Variants in HMCN2 observed in about 807,000 individuals in gnomAD.
HMCN2 encodes the protein hemicentin-2.
A neutral mutation model predicts 377.5 loss-of-function variants in HMCN2; 325 were observed. The ratio of observed to expected loss-of-function variants is 0.86; its 90% CI spans 0.79 to 0.94. The LOEUF is 0.94. Among genes scored for constraint, HMCN2 ranks in the 40% least tolerant of loss-of-function variants. HMCN2 has a pLI of 0.00. For missense variants in HMCN2, 4,543 were observed against 4,725.3 expected (o/e 0.96, Z 1.13); for synonymous variants, 2,007 against 2,046.8 (o/e 0.98, Z 0.53).
chr9:130,359,264 A>C, intron 36 of HMCN2, 55 bp from the exon 37 acceptor site: 6 of 982,158 alleles, frequency 6.1e-6, no homozygotes, highest in Non-Finnish European at 8.6e-6. Context: ...GGCTGGGATT[A>C]GAGCTGCCCA....
intron 25 of HMCN2, among the ~76,000 whole-genome samples, chr9:130,344,191 C>G (rs942856720): frequency 0.29 from 44,385 of 152,040 alleles, 6,660 homozygotes; most frequent in Middle Eastern, 0.34. Context: ...TGGCCCCCGG[C>G]GTGGCGGGAA....
At chr9:130,358,510 G>A in intron 36 of HMCN2, 24 bp downstream of exon 36, 2 of 1,304,380 alleles carry the variant, frequency 1.5e-6, no homozygotes, top group African/African-American at 1.5e-5. Flanking sequence ...TAACCAGCAG[G>A]GCCCAGGCCA....
At chr9:130,322,614 C>CG in intron 19 of HMCN2, among the ~76,000 whole-genome samples, 1 of 152,174 alleles carries the variant, frequency 6.6e-6, no homozygotes, top group East Asian at 1.9e-4. Context: ...CCCCACACCC[C>CG]GGGTATGAAC....
At chr9:130,417,238 G>A (rs567914668) in intron 85 of HMCN2, among the ~76,000 whole-genome samples, 4 of 152,108 alleles carry the variant, frequency 2.6e-5, no homozygotes, top group South Asian at 2.1e-4. Context: ...AAAGAGAGCC[G>A]GGGCCGGACA....
rs140066117 is a variant in HMCN2 at position 130,349,078 on chromosome 9, G to A, written c.4250G>A (p.Arg1417Gln). The A allele has an allele frequency of 1.4e-4, 182 of 1,304,186 alleles. No homozygotes were observed. The African/African-American group carries it at 1.6e-3, about 11-fold the overall frequency. The allele number at this position is 1,304,186 out of a possible 1,614,324, so 80.8% of individuals were successfully genotyped here. ...QEGDSGLYSC[R>Q]AENQAGTAQR... ...GGTGATTCTGGGCTCTACTCCTGCC[G>A]GGCAGAGAACCAGGCTGGCACCGCC... The change falls in exon 28 of 98, where the codon CGG becomes CAG. Residue 1417 changes from arginine (R) to glutamine (Q), a missense_variant. Physicochemically the swap from Arg to Gln is conservative, Grantham distance 43 (BLOSUM62 1). Coordinates refer to ENST00000683500, the MANE Select transcript of HMCN2 (RefSeq NM_001291815.2).
At position 130,358,382 on chromosome 9, in the gene HMCN2, C is replaced by G. The variant is rs1840164676; in HGVS notation, c.5581-8C>G. The G allele has an allele frequency of 7.7e-7, 1 of 1,304,228 alleles. No individual in the cohort carries two copies. Among genetic ancestry groups the G allele is most frequent in the Non-Finnish European group, 1.0e-6 (1 of 988,882 alleles). The allele number at this position is 1,304,228 out of a possible 1,614,324, so 80.8% of individuals were successfully genotyped here. A position where few individuals can be genotyped will look rare whatever the true frequency, so the allele number is the denominator to read the frequency against. On this transcript the variant is annotated splice_region_variant and splice_polypyrimidine_tract_variant and intron_variant, in intron 35 of 97. Transcript: ENST00000683500. ...CCTGTGGCATACTCTCTGCCCCCTC[C>G]CCTCCAGATTGAGAAGGTGGACCTG...
At chr9:130,293,648 A>G (rs914741276) in intron 4 of HMCN2, among the ~76,000 whole-genome samples, 2 of 152,084 alleles carry the variant, frequency 1.3e-5, no homozygotes, top group Non-Finnish European at 2.9e-5. Flanking sequence ...AGCTCTGCCC[A>G]GGAGATGCAT....
Position 130,382,696 on chromosome 9 carries a change from G to T in HMCN2, c.8563G>T (p.Gly2855Cys). The T allele has an allele frequency of 1.1e-5, 11 of 985,638 alleles. No individual in the cohort carries two copies. Among genetic ancestry groups the T allele is most frequent in the Non-Finnish European group, 1.3e-5 (11 of 829,884 alleles). 61.1% of individuals were successfully genotyped at this position (985,638 alleles called of 1,614,324 possible). A position where few individuals can be genotyped will look rare whatever the true frequency, so the allele number is the denominator to read the frequency against. ...ACCCCCAGCCCCACCTGTGATCCTGGGTGACACAGAGGAGCTGGTGGAAGA... is the reference window on the plus strand; with the variant it reads ...ACCCCCAGCCCCACCTGTGATCCTGTGTGACACAGAGGAGCTGGTGGAAGA... ...LLVLTPPVIL[G>C]DTEELVEEVT... The change falls in exon 56 of 98, where the codon GGT becomes TGT. Residue 2855 changes from glycine (G) to cysteine (C), a missense_variant. Coordinates refer to ENST00000683500, the MANE Select transcript of HMCN2 (RefSeq NM_001291815.2).
At chr9:130,390,381 C>T (rs1426291575) in intron 62 of HMCN2, among the ~76,000 whole-genome samples, 1 of 152,202 alleles carries the variant, frequency 6.6e-6, no homozygotes, top group Non-Finnish European at 1.5e-5. Flanking sequence ...ACTGAGCTGC[C>T]CTCATCTTGA....
intron 25 of HMCN2, among the ~76,000 whole-genome samples, chr9:130,343,614 G>A (rs1839183363): frequency 6.6e-6 from 1 of 152,138 alleles, no homozygotes; most frequent in South Asian, 2.1e-4. Context: ...CAGCCGTTCT[G>A]CGCTTTTGGG....
At chr9:130,401,572 CT>C (rs1452996062) in intron 77 of HMCN2, among the ~76,000 whole-genome samples, 2 of 152,312 alleles carry the variant, frequency 1.3e-5, no homozygotes, top group African/African-American at 4.8e-5. Flanking sequence ...ATCTGCCCTT[CT>C]CAGCCTCCCA....
At position 130,358,414 on chromosome 9, in the gene HMCN2, G is replaced by A. The variant is rs1285997135; in HGVS notation, c.5605G>A (p.Glu1869Lys). Residue 1869 changes from glutamate (E) to lysine (K), a missense_variant, in exon 36 of 98, where the codon GAG becomes AAG. Coordinates refer to ENST00000683500, the MANE Select transcript of HMCN2 (RefSeq NM_001291815.2). ...LQIEKVDLRD[E>K]GIYTCAATNL... The stretch of plus-strand genomic sequence containing the variant: ...GATTGAGAAGGTGGACCTGAGGGAC[G>A]AGGGCATCTACACTTGTGCTGCTAC... 6.1e-6 allele frequency: 8 copies of A among 1,304,140 alleles called. No homozygotes were observed. Among genetic ancestry groups the A allele is most frequent in the East Asian group, 5.6e-5 (1 of 18,000 alleles). 80.8% of individuals were successfully genotyped at this position (1,304,140 alleles called of 1,614,324 possible). A position where few individuals can be genotyped will look rare whatever the true frequency, so the allele number is the denominator to read the frequency against.
chr9:130,382,922 C>T (rs1320423897), intron 56 of HMCN2, 56 bp downstream of exon 56: 1 of 936,714 alleles, frequency 1.1e-6, no homozygotes, highest in Non-Finnish European at 1.3e-6. Flanking sequence ...CCCAGCACCA[C>T]TTGTCTGGGA....
intron 35 of HMCN2, 83 bp from the exon 36 acceptor site, chr9:130,358,307 G>T: frequency 7.7e-7 from 1 of 1,294,826 alleles, no homozygotes; most frequent in Non-Finnish European, 1.0e-6. Flanking sequence ...CTGCCCCCGG[G>T]CTCGGCAGCA....
In HMCN2 at chr9:130,393,306, C is replaced by T. The variant is rs1043324498; in HGVS notation, c.10231C>T (p.Gln3411Ter). The stretch of plus-strand genomic sequence containing the variant: ...GGACAGGAACTTCACCTTGCAGGTG[C>T]AGGGTATGGAGCAGGGGGTGGGGCA... ...VADRNFTLQV[Q>*]VPPVLEPVEF... Residue 3411 changes from glutamine to a stop codon, truncating the protein, a stop_gained, in exon 67 of 98, where the codon CAG becomes TAG. Transcript: ENST00000683500. LOFTEE classifies it high-confidence loss of function. This position sits in a 1 kb window ranked among gnomAD's most constrained non-coding sequence, Gnocchi z 5.2. 4 of 988,730 alleles carry T rather than the reference C, an allele frequency of 4.0e-6. No individual in the cohort carries two copies. Among genetic ancestry groups the T allele is most frequent in the Non-Finnish European group, 4.8e-6 (4 of 830,516 alleles). 61.2% of individuals were successfully genotyped at this position (988,730 alleles called of 1,614,324 possible).
At chr9:130,392,690 G>A (rs539269748) in intron 66 of HMCN2, among the ~76,000 whole-genome samples, 4 of 152,236 alleles carry the variant, frequency 2.6e-5, no homozygotes, top group African/African-American at 9.6e-5. Flanking sequence ...TGGGGGCACC[G>A]GGAACCCAGG....
Position 130,432,415 on chromosome 9 carries a change from A to G in HMCN2, c.14768-14A>G. 1 of 1,550,838 alleles carries G rather than the reference A, an allele frequency of 6.4e-7. No individual in the cohort carries two copies. The highest frequency in any genetic ancestry group is 8.7e-7 in the Non-Finnish European group (1 of 1,147,004). On this transcript the variant is annotated splice_polypyrimidine_tract_variant and intron_variant, in intron 96 of 97. Transcript: ENST00000683500. ...TTCATCTCCCTCCCCCGCTTCACCA[A>G]CTTCCCCATCCAGACATCAACGAGT...
intron 1 of HMCN2, among the ~76,000 whole-genome samples, chr9:130,284,305 G>T (rs1207355002): frequency 6.6e-6 from 1 of 152,124 alleles, no homozygotes; most frequent in Non-Finnish European, 1.5e-5. Flanking sequence ...GGAGAGTCTT[G>T]GTCACCAAAG....
intron 13 of HMCN2, 32 bp downstream of exon 13, chr9:130,306,970 G>A (rs1177989124): frequency 3.4e-5 from 15 of 442,856 alleles, no homozygotes; most frequent in Non-Finnish European, 6.2e-5. Context: ...CCTTACAGGA[G>A]AAGGGCCTCC....
Sources: allele counts gnomAD v4.1 joint callset (sites outside exome capture counted in the v4.1 genomes callset), GRCh38; gene constraint gnomAD v4.1.1; non-coding constraint Gnocchi (gnomAD v3.1); transcripts MANE v1.5; gene names NCBI Gene and HGNC (gene_info 2026-07-23, HGNC 2026-07-21).